The following CNTN6 variants were observed in gnomAD, a reference collection of about 807,000 sequenced individuals.
The protein encoded by CNTN6 is contactin 6.
In CNTN6, 137 loss-of-function variants were observed where a neutral mutation model predicts 122.8. The ratio of observed to expected loss-of-function variants is 1.12; its 90% CI spans 0.97 to 1.29. CNTN6 has a LOEUF of 1.29. Ranked by LOEUF, CNTN6 falls within the 50% of genes most tolerant of loss-of-function variation. The pLI is 0.00. For synonymous variants in CNTN6, 570 were observed against 426.0 expected, an observed-to-expected ratio of 1.34 and a Z score of -4.16; for missense variants, 1,634 against 1,223.4, an observed-to-expected ratio of 1.34 and a Z score of -5.01.
intron 2 of CNTN6, among the ~76,000 whole-genome samples, chr3:1,158,831 T>C (rs1159904339): frequency 8.1e-6 from 1 of 123,592 alleles, no homozygotes; most frequent in Non-Finnish European, 1.6e-5. Flanking sequence ...CACATATATA[T>C]ACACACACAT....
At position 1,385,656 on chromosome 3, in the gene CNTN6, A is replaced by AT; in HGVS notation, c.2565dup (p.Arg856Ter). ...CTCCAAAGAATCCATGATAGGTAAA[A>AT]TTAGAGTCAGTGGAAATGTCACAAC... On this transcript the variant is annotated frameshift_variant, in exon 20 of 23. Transcript: ENST00000446702. LOFTEE classifies it high-confidence loss of function. 6.2e-7 allele frequency: 1 copy of AT among 1,614,080 alleles called. No individual in the cohort carries two copies. Among genetic ancestry groups the AT allele is most frequent in the South Asian group, 1.1e-5 (1 of 91,082 alleles).
intron 6 of CNTN6, among the ~76,000 whole-genome samples, chr3:1,297,095 C>G (rs73816286): frequency 0.064 from 9,801 of 152,116 alleles, 1,087 homozygotes; most frequent in African/African-American, 0.22. Context: ...ACCTTCTCAC[C>G]ATAACCTCTT....
At chr3:1,183,777 T>C (rs971973414) in intron 2 of CNTN6, among the ~76,000 whole-genome samples, 16 of 152,300 alleles carry the variant, frequency 1.1e-4, no homozygotes, top group African/African-American at 3.8e-4. Flanking sequence ...ATGTCACCTT[T>C]TCTGTGAGTC....
chr3:1,103,632 G>A (rs2091066439), intron 1 of CNTN6, among the ~76,000 whole-genome samples: 1 of 152,130 alleles, frequency 6.6e-6, no homozygotes. Context: ...TAATCTATTC[G>A]TTATGCGTAG....
intron 2 of CNTN6, among the ~76,000 whole-genome samples, chr3:1,203,157 C>A (rs1166549163): frequency 6.6e-6 from 1 of 152,062 alleles, no homozygotes; most frequent in Non-Finnish European, 1.5e-5. Flanking sequence ...ACATTTATTT[C>A]TAAATAAGTT....
chr3:1,277,500 A>G (rs960791104), intron 4 of CNTN6, among the ~76,000 whole-genome samples: 1 of 151,474 alleles, frequency 6.6e-6, no homozygotes, highest in Admixed American at 6.6e-5. Context: ...AGCTGGAATT[A>G]CAGGCGTGTG....
At chr3:1,094,107 CTG>C (rs1407169368) in intron 1 of CNTN6, among the ~76,000 whole-genome samples, 1 of 152,146 alleles carries the variant, frequency 6.6e-6, no homozygotes, top group African/African-American at 2.4e-5. Context: ...CTGAAGATGT[CTG>C]TAAAAGAAGA....
chr3:1,310,218 C>G (rs555648684), intron 7 of CNTN6, among the ~76,000 whole-genome samples: 2 of 152,192 alleles, frequency 1.3e-5, no homozygotes, highest in South Asian at 2.1e-4. Context: ...TGAAAGCATC[C>G]AATTTCTCAC....
intron 5 of CNTN6, among the ~76,000 whole-genome samples, chr3:1,282,871 C>A (rs190449207): frequency 6.6e-6 from 1 of 152,156 alleles, no homozygotes; most frequent in Admixed American, 6.5e-5. Flanking sequence ...CTTGGCAGAA[C>A]GAAATTTACT....
intron 1 of CNTN6, among the ~76,000 whole-genome samples, chr3:1,142,000 C>A (rs1447129963): frequency 6.6e-6 from 1 of 152,116 alleles, no homozygotes; most frequent in Admixed American, 6.6e-5. Context: ...GAGGTACCAT[C>A]TCTGTTTAGG....
chr3:1,185,822 AG>A (rs1442929814), intron 2 of CNTN6, among the ~76,000 whole-genome samples: 1 of 152,190 alleles, frequency 6.6e-6, no homozygotes, highest in Non-Finnish European at 1.5e-5. Flanking sequence ...ACAACTTGTG[AG>A]TATTATATAA....
intron 2 of CNTN6, among the ~76,000 whole-genome samples, chr3:1,219,015 C>G (rs942469679): frequency 3.3e-5 from 5 of 152,154 alleles, no homozygotes; most frequent in South Asian, 2.1e-4. Flanking sequence ...CATTTGAAAG[C>G]ATCGAATAAA....
At position 1,254,079 on chromosome 3, in the gene CNTN6, T is replaced by C. The variant is rs1015801596; in HGVS notation, c.359-24334T>C. On this transcript the variant is annotated intron_variant, in intron 4 of 22. Transcript: ENST00000446702. ...AAACATACAGAAATGTCTATAAAAA[T>C]ATTATAAACAGATTTTTATTTAAAT... Among the ~76,000 whole-genome samples, 15 of 152,308 alleles carry C rather than the reference T, an allele frequency of 9.8e-5. No individual in the cohort carries two copies. The East Asian group carries it at 2.9e-3, about 29-fold the overall frequency.
At chr3:1,145,953 T>A (rs1245609017) in intron 1 of CNTN6, among the ~76,000 whole-genome samples, 1 of 152,146 alleles carries the variant, frequency 6.6e-6, no homozygotes, top group African/African-American at 2.4e-5. Flanking sequence ...GGTGGTAATA[T>A]TTAAATGAGT....
At chr3:1,295,970 C>T (rs1175009121) in intron 6 of CNTN6, among the ~76,000 whole-genome samples, 166 bp downstream of exon 6, 1 of 152,160 alleles carries the variant, frequency 6.6e-6, no homozygotes, top group Non-Finnish European at 1.5e-5. Flanking sequence ...TTATCTAATT[C>T]ACCCACATGG....
At position 1,139,865 on chromosome 3, in the gene CNTN6, C is replaced by G. The variant is rs1412537591; in HGVS notation, c.-82-8062C>G. Among the ~76,000 whole-genome samples the G allele has an allele frequency of 3.3e-5, 5 of 152,302 alleles. No homozygotes were observed. In the East Asian group the frequency reaches 9.7e-4, roughly 29 times the overall value. ...CTCAGCAGCGTATGACTGGTTGAAA[C>G]ATGGCTGCTGGGATTGGCCAAGACT... On this transcript the variant is annotated intron_variant, in intron 1 of 22. Transcript: ENST00000446702.
intron 12 of CNTN6, among the ~76,000 whole-genome samples, chr3:1,362,092 A>G (rs931157342): frequency 3.3e-4 from 50 of 152,154 alleles, no homozygotes; most frequent in Non-Finnish European, 5.4e-4. Context: ...TAAGAAACAA[A>G]ACAAAATAAA....
intron 7 of CNTN6, among the ~76,000 whole-genome samples, chr3:1,302,390 T>C (rs998838623): frequency 3.3e-5 from 5 of 152,302 alleles, no homozygotes; most frequent in African/African-American, 1.2e-4. Flanking sequence ...TAAAATCAAA[T>C]ATTTTTTTCT....
At chr3:1,215,423 G>A (rs528386822) in intron 2 of CNTN6, among the ~76,000 whole-genome samples, 2 of 152,218 alleles carry the variant, frequency 1.3e-5, no homozygotes, top group South Asian at 4.1e-4. Flanking sequence ...GTGGGTATCT[G>A]TTTTGTTGCT....
Sources: gnomAD v4.1 joint callset for allele counts (sites outside exome capture counted in the v4.1 genomes callset) on GRCh38, gnomAD v4.1.1 for gene constraint, MANE v1.5 for transcripts, NCBI Gene and HGNC (gene_info 2026-07-23, HGNC 2026-07-21) for gene names.